Variants in YWHAB observed in about 807,000 individuals in gnomAD.
YWHAB encodes 14-3-3 protein beta/alpha.
In YWHAB, 2 loss-of-function variants were observed where a neutral mutation model predicts 28.5. That is an observed-to-expected ratio of 0.07 (90% CI 0.03 to 0.22). YWHAB has a LOEUF of 0.22. Ranked by LOEUF, YWHAB falls within the 10% of genes least tolerant of loss-of-function variation. The pLI, the probability that YWHAB is intolerant of heterozygous loss-of-function variation, is 1.00. For synonymous variants in YWHAB, 103 were observed against 104.7 expected (o/e 0.98, Z 0.10); for missense variants, 148 against 297.1 (o/e 0.50, Z 3.69).
Position 44,903,982 on chromosome 20 carries a change from T to C in YWHAB, c.301-11T>C. ...AATAATTCTAAATTCTTAACAATGT[T>C]CATTTTTTAGGAGCTGTTGGACAAA... On this transcript the variant is annotated splice_polypyrimidine_tract_variant and intron_variant, in intron 2 of 5. Coordinates refer to ENST00000353703, the MANE Select transcript of YWHAB (RefSeq NM_139323.4). The C allele has an allele frequency of 6.3e-7, 1 of 1,592,382 alleles. No individual in the cohort carries two copies. Among genetic ancestry groups the C allele is most frequent in the Non-Finnish European group, 8.5e-7 (1 of 1,174,764 alleles).
chr20:44,901,070 G>A (rs999209427), intron 1 of YWHAB, among the ~76,000 whole-genome samples: 3 of 152,090 alleles, frequency 2.0e-5, no homozygotes, highest in African/African-American at 7.2e-5. Flanking sequence ...CACTGCACCC[G>A]GCTAGTAAGC....
chr20:44,901,469 C>CA, intron 1 of YWHAB, 62 bp from the exon 2 acceptor site: 1 of 1,488,984 alleles, frequency 6.7e-7, no homozygotes, highest in Non-Finnish European at 9.0e-7. Context: ...AAGATTCACA[C>CA]ACGTTTCCTA....
rs952475633 is a variant in YWHAB at position 44,901,519 on chromosome 20, C to T, written c.-3-12C>T. 14 of 1,568,714 alleles carry T rather than the reference C, an allele frequency of 8.9e-6. No individual in the cohort carries two copies. The highest frequency in any genetic ancestry group is 4.5e-5 in the East Asian group (2 of 44,028). On this transcript the variant is annotated splice_polypyrimidine_tract_variant and intron_variant, in intron 1 of 5. Transcript: ENST00000353703. ...ACATTTGCTCTTTCTTTTTCTCTTG[C>T]TCTTGTTCTAGGGAATGACAATGGA...
At chr20:44,890,134 A>G (rs905071986) in intron 1 of YWHAB, among the ~76,000 whole-genome samples, 2 of 152,292 alleles carry the variant, frequency 1.3e-5, no homozygotes, top group African/African-American at 2.4e-5. Flanking sequence ...GGGTTTCTGT[A>G]TAGTGAACTT....
chr20:44,897,977 A>G (rs1294101033), intron 1 of YWHAB, among the ~76,000 whole-genome samples: 1 of 152,182 alleles, frequency 6.6e-6, no homozygotes, highest in African/African-American at 2.4e-5. Flanking sequence ...CACCTAGAAT[A>G]CATGGCCTTC....
intron 1 of YWHAB, among the ~76,000 whole-genome samples, chr20:44,899,911 C>T (rs1445540018): frequency 6.6e-6 from 1 of 152,210 alleles, no homozygotes; most frequent in African/African-American, 2.4e-5. Flanking sequence ...TTATACACCC[C>T]TTTCTCTTGC....
At chr20:44,892,495 C>CT (rs950640985) in intron 1 of YWHAB, among the ~76,000 whole-genome samples, 1 of 151,920 alleles carries the variant, frequency 6.6e-6, no homozygotes, top group Admixed American at 6.6e-5. Context: ...AGTTTAAGCT[C>CT]TCTGAGGGGA....
At chr20:44,890,084 A>G (rs1052127848) in intron 1 of YWHAB, among the ~76,000 whole-genome samples, 2 of 152,170 alleles carry the variant, frequency 1.3e-5, no homozygotes, top group Non-Finnish European at 2.9e-5. Flanking sequence ...TAAATGATGG[A>G]TGGATATTTT....
chr20:44,896,925 T>C (rs1357681488), intron 1 of YWHAB, among the ~76,000 whole-genome samples: 1 of 152,224 alleles, frequency 6.6e-6, no homozygotes, highest in African/African-American at 2.4e-5. Context: ...TTTCTGTATG[T>C]GTATAATTAA....
At chr20:44,893,253 T>A (rs991202380) in intron 1 of YWHAB, among the ~76,000 whole-genome samples, 1 of 152,252 alleles carries the variant, frequency 6.6e-6, no homozygotes, top group African/African-American at 2.4e-5. Flanking sequence ...CTAGATCCTC[T>A]ATTTTCAGCA....
At chr20:44,898,795 T>G (rs564395693) in intron 1 of YWHAB, among the ~76,000 whole-genome samples, 1 of 146,894 alleles carries the variant, frequency 6.8e-6, no homozygotes, top group Non-Finnish European at 1.5e-5. Flanking sequence ...CATGAGCCAC[T>G]GCGCCCAGCA....
chr20:44,892,200 C>T (rs548546473), intron 1 of YWHAB, among the ~76,000 whole-genome samples: 4 of 152,160 alleles, frequency 2.6e-5, no homozygotes, highest in African/African-American at 9.7e-5. Flanking sequence ...TTGAAACATT[C>T]GAGCCTAGAT....
At chr20:44,887,929 T>C (rs1005433351) in intron 1 of YWHAB, among the ~76,000 whole-genome samples, 1 of 152,240 alleles carries the variant, frequency 6.6e-6, no homozygotes, top group Non-Finnish European at 1.5e-5. Flanking sequence ...GCTTTTTCTC[T>C]CCAGTTAACA....
intron 1 of YWHAB, chr20:44,887,292 A>C (rs1202215602): frequency 2.6e-5 from 4 of 152,228 alleles, no homozygotes; most frequent in Non-Finnish European, 5.9e-5. Context: ...TGTGGCTTTC[A>C]AAATGGAAGG....
chr20:44,902,024 C>A, intron 2 of YWHAB, 191 bp downstream of exon 2: 1 of 541,140 alleles, frequency 1.8e-6, no homozygotes. Context: ...AGAGGTTGTA[C>A]ATCACTTCTG....
chr20:44,895,851 G>A (rs2145530006), intron 1 of YWHAB, among the ~76,000 whole-genome samples: 1 of 152,322 alleles, frequency 6.6e-6, no homozygotes, highest in Non-Finnish European at 1.5e-5. Context: ...TAATATGCTT[G>A]TGAGGCTAAT....
At chr20:44,891,312 G>T (rs2066560524) in intron 1 of YWHAB, among the ~76,000 whole-genome samples, 1 of 152,012 alleles carries the variant, frequency 6.6e-6, no homozygotes, top group African/African-American at 2.4e-5. Flanking sequence ...CACCATGTTG[G>T]CCAGGCTGGT....
chr20:44,899,867 G>T (rs2066616576), intron 1 of YWHAB, among the ~76,000 whole-genome samples: 1 of 152,166 alleles, frequency 6.6e-6, no homozygotes, highest in African/African-American at 2.4e-5. Context: ...GATGAATTCA[G>T]TTATGGTTTC....
At chr20:44,903,917 T>C (rs1568933256) in intron 2 of YWHAB, 76 bp from the exon 3 acceptor site, 1 of 1,501,390 alleles carries the variant, frequency 6.7e-7, no homozygotes, top group East Asian at 2.3e-5. Context: ...GAAGCAGTAG[T>C]GTATATCTTG....
Sources: allele counts gnomAD v4.1 joint callset (sites outside exome capture counted in the v4.1 genomes callset), GRCh38; gene constraint gnomAD v4.1.1; transcripts MANE v1.5; gene names NCBI Gene and HGNC (gene_info 2026-07-23, HGNC 2026-07-21).